NDST3: variants seen among roughly 807,000 people sequenced by gnomAD.
NDST3 encodes bifunctional heparan sulfate N-deacetylase/N-sulfotransferase 3.
Under a neutral mutation model 96.1 loss-of-function variants are expected in NDST3, and 58 were observed. That is an observed-to-expected ratio of 0.60 (90% CI 0.49 to 0.75). The LOEUF (loss-of-function observed/expected upper bound fraction) is 0.75. Ranked by LOEUF, NDST3 falls within the 30% of genes least tolerant of loss-of-function variation. NDST3 has a pLI of 0.00. For missense variants in NDST3, 788 were observed against 1,034.2 expected (o/e 0.76, Z 3.27); for synonymous variants, 333 against 359.7 (o/e 0.93, Z 0.84).
intron 1 of NDST3, among the ~76,000 whole-genome samples, chr4:118,038,210 T>C (rs1383915265): frequency 1.3e-5 from 2 of 152,176 alleles, no homozygotes; most frequent in Non-Finnish European, 2.9e-5. Flanking sequence ...TTTTGATGCA[T>C]GCATTCTGGT....
chr4:118,143,742 C>G lies in NDST3; in HGVS notation c.1539+58C>G, dbSNP rs557494997. The G allele has an allele frequency of 4.1e-4, 625 of 1,531,802 alleles. 1 individual carries two copies. Among genetic ancestry groups the G allele is most frequent in the Middle Eastern group, 1.9e-3 (11 of 5,730 alleles). The allele number at this position is 1,531,802 out of a possible 1,614,324, so 94.9% of individuals were successfully genotyped here. A position where few individuals can be genotyped will look rare whatever the true frequency, so the allele number is the denominator to read the frequency against. On this transcript the variant is annotated intron_variant, in intron 6 of 13. Coordinates refer to ENST00000296499, the MANE Select transcript of NDST3 (RefSeq NM_004784.3). ...AAATGATAGGGCTGGCAAAAATTAC[C>G]CTGGCAAAGAGGCTAGGGATTGGGC...
intron 6 of NDST3, among the ~76,000 whole-genome samples, chr4:118,152,758 C>T (rs1425422892): frequency 1.3e-5 from 2 of 152,134 alleles, no homozygotes; most frequent in African/African-American, 2.4e-5. Context: ...TGCTTGTTTA[C>T]GGTTTCTGCA....
intron 6 of NDST3, among the ~76,000 whole-genome samples, chr4:118,144,306 G>T (rs1304469868): frequency 6.6e-6 from 1 of 151,650 alleles, no homozygotes; most frequent in Non-Finnish European, 1.5e-5. Context: ...TCAGCCTCCC[G>T]AGTAGCTGGG....
At chr4:118,137,140 C>A (rs1377837185) in intron 4 of NDST3, among the ~76,000 whole-genome samples, 1 of 152,110 alleles carries the variant, frequency 6.6e-6, no homozygotes, top group Non-Finnish European at 1.5e-5. Flanking sequence ...GTATGTGAAA[C>A]TGTTATTTGG....
intron 7 of NDST3, among the ~76,000 whole-genome samples, chr4:118,225,969 G>A (rs1168592087): frequency 1.3e-5 from 2 of 151,434 alleles, no homozygotes; most frequent in African/African-American, 2.4e-5. Context: ...ATTATTTCAG[G>A]TGACAAGTTT....
At chr4:118,058,761 G>T (rs1241192996) in intron 2 of NDST3, among the ~76,000 whole-genome samples, 1 of 151,822 alleles carries the variant, frequency 6.6e-6, no homozygotes, top group Non-Finnish European at 1.5e-5. Context: ...TAAGGGTTTT[G>T]GGAGAGAGAA....
At chr4:118,135,119 G>A (rs1732966107) in intron 4 of NDST3, among the ~76,000 whole-genome samples, 1 of 152,162 alleles carries the variant, frequency 6.6e-6, no homozygotes, top group South Asian at 2.1e-4. Context: ...CTCTGGTGAT[G>A]AATGCAAATT....
chr4:118,102,204 C>T (rs1344254072), intron 2 of NDST3, among the ~76,000 whole-genome samples: 1 of 151,802 alleles, frequency 6.6e-6, no homozygotes, highest in Non-Finnish European at 1.5e-5. Context: ...AAATTACCTT[C>T]CTATATATAG....
At chr4:118,191,573 A>G (rs986568209) in intron 6 of NDST3, among the ~76,000 whole-genome samples, 4 of 152,220 alleles carry the variant, frequency 2.6e-5, no homozygotes, top group African/African-American at 7.2e-5. Flanking sequence ...TACTTTTCCC[A>G]AGGGCCTACT....
rs1737547660 is a variant in NDST3 at position 118,194,656 on chromosome 4, T to C, written c.1540-29835T>C. The C allele has an allele frequency of 2.5e-5, 17 of 669,594 alleles. No homozygotes were observed. In the Admixed American group the frequency reaches 3.2e-4, roughly 13 times the overall value. 41.5% of individuals were successfully genotyped at this position (669,594 alleles called of 1,614,324 possible). On this transcript the variant is annotated intron_variant, in intron 6 of 13. Coordinates refer to ENST00000296499, the MANE Select transcript of NDST3 (RefSeq NM_004784.3). ...TGCCCTCTCTCGATGACCTTCAGCA[T>C]GCCTTCCTCCTGTTTGGGCGAATGT...
At chr4:118,150,138 T>C (rs1427686449) in intron 6 of NDST3, among the ~76,000 whole-genome samples, 1 of 152,090 alleles carries the variant, frequency 6.6e-6, no homozygotes, top group Non-Finnish European at 1.5e-5. Context: ...CTTTTTGATG[T>C]GCTGCTGGAT....
At chr4:118,199,275 AT>A (rs1737909630) in intron 6 of NDST3, among the ~76,000 whole-genome samples, 1 of 151,976 alleles carries the variant, frequency 6.6e-6, no homozygotes, top group South Asian at 2.1e-4. Flanking sequence ...CTCTGACTGT[AT>A]TTTCAAATAG....
intron 4 of NDST3, among the ~76,000 whole-genome samples, chr4:118,123,428 C>T (rs1731773518): frequency 6.6e-6 from 1 of 152,082 alleles, no homozygotes; most frequent in South Asian, 2.1e-4. Context: ...CCCAAAGGTC[C>T]ACATAAACTT....
chr4:118,164,006 C>T (rs950216062), intron 6 of NDST3, among the ~76,000 whole-genome samples: 1 of 152,008 alleles, frequency 6.6e-6, no homozygotes, highest in Non-Finnish European at 1.5e-5. Context: ...GATACATACC[C>T]AAAGGAATAT....
At chr4:118,092,471 C>G (rs1351711905) in intron 2 of NDST3, among the ~76,000 whole-genome samples, 1 of 151,786 alleles carries the variant, frequency 6.6e-6, no homozygotes, top group Non-Finnish European at 1.5e-5. Flanking sequence ...TCTGATTCCT[C>G]AAGTCAGCTG....
At chr4:118,197,651 T>C (rs1030683714) in intron 6 of NDST3, among the ~76,000 whole-genome samples, 5 of 152,162 alleles carry the variant, frequency 3.3e-5, no homozygotes, top group African/African-American at 9.7e-5. Flanking sequence ...TTGGTTTCCA[T>C]GGACTTGGAA....
At chr4:118,243,995 G>A (rs550559066) in intron 12 of NDST3, among the ~76,000 whole-genome samples, 71 of 152,286 alleles carry the variant, frequency 4.7e-4, no homozygotes, top group African/African-American at 1.7e-3. Context: ...CTGGTTGGGG[G>A]CTCAGTGGGT....
chr4:118,156,515 C>A (rs1035533324), intron 6 of NDST3, among the ~76,000 whole-genome samples: 11 of 152,136 alleles, frequency 7.2e-5, no homozygotes, highest in African/African-American at 2.4e-4. Flanking sequence ...AAATAAAAGA[C>A]AATGTGTTTC....
At chr4:118,109,538 C>T (rs1730473117) in intron 3 of NDST3, among the ~76,000 whole-genome samples, 2 of 152,094 alleles carry the variant, frequency 1.3e-5, no homozygotes, top group Non-Finnish European at 2.9e-5. Flanking sequence ...TATCCTCTCC[C>T]TAAGTGAGAG....
Sources: allele counts gnomAD v4.1 joint callset (sites outside exome capture counted in the v4.1 genomes callset), GRCh38; gene constraint gnomAD v4.1.1; transcripts MANE v1.5; gene names NCBI Gene and HGNC (gene_info 2026-07-23, HGNC 2026-07-21).